Variants in ARHGAP20 observed in about 807,000 individuals in gnomAD.
ARHGAP20 encodes rho GTPase-activating protein 20.
In ARHGAP20, 34 loss-of-function variants were observed where a neutral mutation model predicts 73.7. That is an observed-to-expected ratio of 0.46 (90% CI 0.35 to 0.61). The LOEUF (loss-of-function observed/expected upper bound fraction) is 0.61, where lower values mean the gene tolerates loss of function less well. Ranked by LOEUF, ARHGAP20 falls within the 20% of genes least tolerant of loss-of-function variation. The probability of loss-of-function intolerance (pLI) is 0.00; values close to 1 mark genes in which losing one functional copy is unlikely to be tolerated. For missense variants in ARHGAP20, 1,314 were observed against 1,420.9 expected (o/e 0.92, Z 1.21); for synonymous variants, 523 against 518.2 (o/e 1.01, Z -0.13).
chr11:110,628,982 G>A (rs188773045), intron 3 of ARHGAP20, among the ~76,000 whole-genome samples: 6 of 151,766 alleles, frequency 4.0e-5, no homozygotes, highest in Non-Finnish European at 8.8e-5. Flanking sequence ...AATAACCTCA[G>A]GTAAAAAAAC....
rs1345739451 is a variant in ARHGAP20 at position 110,578,340 on chromosome 11, C to G, written c.*1030G>C. On this transcript the variant is annotated 3_prime_UTR_variant, in exon 15 of 15. Transcript: ENST00000683387. ...CCGGCCAACCTCAATATTGCTCTCT[C>G]AATTGCCAAACTACAAAAATCAGAA... 11 of 985,278 alleles carry G rather than the reference C, an allele frequency of 1.1e-5. No individual in the cohort carries two copies. The highest frequency in any genetic ancestry group is 1.3e-5 in the Non-Finnish European group (11 of 829,932). 61.0% of individuals were successfully genotyped at this position (985,278 alleles called of 1,614,324 possible).
chr11:110,658,687 C>T (rs1355359750), intron 2 of ARHGAP20, among the ~76,000 whole-genome samples: 1 of 152,118 alleles, frequency 6.6e-6, no homozygotes, highest in African/African-American at 2.4e-5. Context: ...GAAACACAGA[C>T]AATATATTGT....
intron 2 of ARHGAP20, among the ~76,000 whole-genome samples, chr11:110,654,950 G>A (rs1252617258): frequency 6.6e-6 from 1 of 152,148 alleles, no homozygotes; most frequent in African/African-American, 2.4e-5. Flanking sequence ...TCCAGTAGGA[G>A]TTTCATTCTC....
Position 110,711,779 on chromosome 11 carries a change from G to C in ARHGAP20, c.105+348C>G, listed in dbSNP as rs912553408. On this transcript the variant is annotated intron_variant, in intron 1 of 14. Coordinates refer to ENST00000683387, the MANE Select transcript of ARHGAP20 (RefSeq NM_001384657.1). ...TTCGGGAGGCCCAGGGGCACGGCGAGGGGTCGGGGAAAGGCGATCGCCCAC... is the reference window on the plus strand; with the variant it reads ...TTCGGGAGGCCCAGGGGCACGGCGACGGGTCGGGGAAAGGCGATCGCCCAC... 26 of 1,354,058 alleles carry C rather than the reference G, an allele frequency of 1.9e-5. No individual in the cohort carries two copies. The Middle Eastern group carries it at 1.1e-3, about 56-fold the overall frequency. 83.9% of individuals were successfully genotyped at this position (1,354,058 alleles called of 1,614,324 possible). A position where few individuals can be genotyped will look rare whatever the true frequency, so the allele number is the denominator to read the frequency against.
rs76505767 is a variant in ARHGAP20 at position 110,667,614 on chromosome 11, A to C, written c.188+22933T>G. ...GATCAAGAAATAATTTTGACTTTCA[A>C]GTCTTATAGCTGCCATAGACAGTGA... On this transcript the variant is annotated intron_variant, in intron 2 of 14. Coordinates refer to ENST00000683387, the MANE Select transcript of ARHGAP20 (RefSeq NM_001384657.1). Among the ~76,000 whole-genome samples the C allele has an allele frequency of 1.2e-3, 179 of 152,308 alleles. 5 individuals are homozygous for C. In the East Asian group the frequency reaches 0.031, roughly 26 times the overall value.
At chr11:110,608,686 A>G (rs1453470353) in intron 8 of ARHGAP20, among the ~76,000 whole-genome samples, 1 of 152,182 alleles carries the variant, frequency 6.6e-6, no homozygotes, top group Non-Finnish European at 1.5e-5. Context: ...ACCAACACAT[A>G]TTTCTTTCTT....
chr11:110,710,296 A>G (rs1448984415), intron 1 of ARHGAP20, among the ~76,000 whole-genome samples: 5 of 152,200 alleles, frequency 3.3e-5, no homozygotes, highest in Non-Finnish European at 5.9e-5. Flanking sequence ...CAGCATCTTA[A>G]GGACGGTGGC....
At chr11:110,698,764 T>C (rs1014002432) in intron 1 of ARHGAP20, among the ~76,000 whole-genome samples, 2 of 151,970 alleles carry the variant, frequency 1.3e-5, no homozygotes, top group Non-Finnish European at 2.9e-5. Flanking sequence ...AATTGTAATA[T>C]CACCTTTATC....
intron 2 of ARHGAP20, among the ~76,000 whole-genome samples, chr11:110,652,217 G>C (rs182641701): frequency 2.3e-4 from 35 of 152,178 alleles, no homozygotes; most frequent in Admixed American, 2.1e-3. Flanking sequence ...CAAAAAATTA[G>C]GTATTGAAGA....
intron 1 of ARHGAP20, 200 bp downstream of exon 1, chr11:110,711,927 C>A (rs1006336417): frequency 1.6e-6 from 2 of 1,253,194 alleles, no homozygotes; most frequent in Non-Finnish European, 2.0e-6. Context: ...GAGAAGCGGG[C>A]GCTCTGCGGG....
At chr11:110,610,603 T>A (rs1948343635) in intron 7 of ARHGAP20, among the ~76,000 whole-genome samples, 1 of 152,092 alleles carries the variant, frequency 6.6e-6, no homozygotes, top group East Asian at 1.9e-4. Context: ...ATGAGGACAG[T>A]CTTCCAGTTC....
At chr11:110,681,440 T>C (rs1950034403) in intron 2 of ARHGAP20, among the ~76,000 whole-genome samples, 1 of 152,190 alleles carries the variant, frequency 6.6e-6, no homozygotes, top group Non-Finnish European at 1.5e-5. Context: ...GTGGCCTTTA[T>C]GAGGTCGTTG....
intron 2 of ARHGAP20, among the ~76,000 whole-genome samples, chr11:110,648,239 A>AT (rs1286274438): frequency 9.7e-6 from 1 of 102,876 alleles, no homozygotes. Flanking sequence ...ATATATATGT[A>AT]AATATATATA....
intron 2 of ARHGAP20, among the ~76,000 whole-genome samples, chr11:110,683,730 T>C (rs1435668784): frequency 6.6e-6 from 1 of 152,180 alleles, no homozygotes; most frequent in South Asian, 2.1e-4. Context: ...CTATTATGAC[T>C]CCTATTTCAC....
chr11:110,688,090 C>G (rs11828526), intron 2 of ARHGAP20, among the ~76,000 whole-genome samples: 15,682 of 152,032 alleles, frequency 0.1, 1,166 homozygotes, highest in African/African-American at 0.21. Flanking sequence ...ATATTTTCCC[C>G]CTTCGTGCAT....
At chr11:110,645,931 A>G (rs1949181670) in intron 2 of ARHGAP20, among the ~76,000 whole-genome samples, 1 of 152,096 alleles carries the variant, frequency 6.6e-6, no homozygotes, top group African/African-American at 2.4e-5. Context: ...ACACATGGAC[A>G]TAATTATGGT....
intron 2 of ARHGAP20, among the ~76,000 whole-genome samples, chr11:110,681,716 C>T (rs1950040372): frequency 6.6e-6 from 1 of 152,104 alleles, no homozygotes; most frequent in South Asian, 2.1e-4. Flanking sequence ...CAGAGTAGGA[C>T]AATGTGAGCA....
At chr11:110,671,219 C>T (rs1163845553) in intron 2 of ARHGAP20, among the ~76,000 whole-genome samples, 2 of 151,056 alleles carry the variant, frequency 1.3e-5, no homozygotes, top group South Asian at 2.1e-4. Flanking sequence ...CACATTAAGA[C>T]TAAAACAAAG....
intron 2 of ARHGAP20, among the ~76,000 whole-genome samples, chr11:110,685,987 G>A (rs1950124955): frequency 1.3e-5 from 2 of 151,908 alleles, no homozygotes; most frequent in Non-Finnish European, 2.9e-5. Context: ...TTATCATCTT[G>A]GACTTCAGAA....
Sources: gnomAD v4.1 joint callset for allele counts (sites outside exome capture counted in the v4.1 genomes callset) on GRCh38, gnomAD v4.1.1 for gene constraint, MANE v1.5 for transcripts, NCBI Gene and HGNC (gene_info 2026-07-23, HGNC 2026-07-21) for gene names.